ZSWIM6: variants seen among roughly 807,000 people sequenced by gnomAD.
ZSWIM6 encodes the protein zinc finger SWIM-type containing 6, also known as zinc finger SWIM domain-containing protein 6.
Under a neutral mutation model 113.2 loss-of-function variants are expected in ZSWIM6, and 9 were observed. The observed-to-expected ratio is 0.08, with a 90% CI of 0.05 to 0.14. ZSWIM6 has a LOEUF of 0.14. Among genes scored for constraint, ZSWIM6 ranks in the 10% least tolerant of loss-of-function variants. ZSWIM6 has a pLI of 1.00. For missense variants in ZSWIM6, 1,162 were observed against 1,552.2 expected (o/e 0.75, Z 4.22); for synonymous variants, 611 against 606.5 (o/e 1.01, Z -0.11).
chr5:61,414,903 A>G (rs1273650201), intron 1 of ZSWIM6, among the ~76,000 whole-genome samples: 1 of 152,224 alleles, frequency 6.6e-6, no homozygotes, highest in African/African-American at 2.4e-5. Flanking sequence ...TGTGCCTTGC[A>G]CCATCTAATC....
At chr5:61,529,996 C>A (rs572109199) in intron 7 of ZSWIM6, 56 bp from the exon 8 acceptor site, 1 of 1,441,614 alleles carries the variant, frequency 6.9e-7, no homozygotes, top group Non-Finnish European at 9.3e-7. Context: ...TTCCCCACTT[C>A]TTTCCCTTCA....
chr5:61,381,809 A>G (rs991243875), intron 1 of ZSWIM6, among the ~76,000 whole-genome samples: 1 of 152,236 alleles, frequency 6.6e-6, no homozygotes, highest in South Asian at 2.1e-4. Context: ...CCTCCAACAC[A>G]GTGCATTATA....
At position 61,332,403 on chromosome 5, in the gene ZSWIM6, C is replaced by T. The variant is rs991997128; in HGVS notation, c.131C>T (p.Pro44Leu). ...AGGGYSSACR[P>L]GPRAGGAAAA... ...GGCGGCTACAGCTCTGCCTGTCGGC[C>T]AGGCCCGCGGGCGGGTGGCGCGGCG... The change falls in exon 1 of 14, where the codon CCA (proline) becomes CTA (leucine). Residue 44 changes from proline (P) to leucine (L), a missense_variant. Pro to Leu is a moderately conservative substitution (Grantham distance 98). Around this residue, in one of 4 missense-constraint regions of ZSWIM6, gnomAD observed 333 missense variants for 293.4 expected, o/e 1.13. Coordinates refer to ENST00000252744, the MANE Select transcript of ZSWIM6 (RefSeq NM_020928.2). 3.1e-5 allele frequency: 31 copies of T among 993,428 alleles called. No individual in the cohort carries two copies. Among genetic ancestry groups the T allele is most frequent in the Non-Finnish European group, 3.7e-5 (31 of 837,422 alleles). 61.5% of individuals were successfully genotyped at this position (993,428 alleles called of 1,614,324 possible).
chr5:61,379,516 C>T (rs1053607762), intron 1 of ZSWIM6, among the ~76,000 whole-genome samples: 6 of 152,080 alleles, frequency 3.9e-5, no homozygotes, highest in African/African-American at 7.2e-5. Flanking sequence ...GGTCTTTGGA[C>T]GACTAGTTTT....
At chr5:61,415,241 T>C (rs1746222702) in intron 1 of ZSWIM6, among the ~76,000 whole-genome samples, 1 of 152,214 alleles carries the variant, frequency 6.6e-6, no homozygotes, top group South Asian at 2.1e-4. Context: ...AATTTAGAGA[T>C]ATTTCATATA....
At chr5:61,384,234 C>G (rs545484042) in intron 1 of ZSWIM6, among the ~76,000 whole-genome samples, 2 of 129,446 alleles carry the variant, frequency 1.5e-5, no homozygotes, top group African/African-American at 6.1e-5. Context: ...GGCGACAGAG[C>G]GAGACTCCGT....
intron 1 of ZSWIM6, among the ~76,000 whole-genome samples, chr5:61,459,284 T>G (rs1216586358): frequency 6.6e-6 from 1 of 152,108 alleles, no homozygotes; most frequent in African/African-American, 2.4e-5. Flanking sequence ...CAGTAGCTGA[T>G]TTTTTTTCTG....
intron 4 of ZSWIM6, among the ~76,000 whole-genome samples, chr5:61,516,250 C>CTCTT (rs1336512076): frequency 6.6e-6 from 1 of 150,548 alleles, no homozygotes; most frequent in African/African-American, 2.4e-5. Context: ...TCTTCCCTCT[C>CTCTT]TCTTTCTTTC....
rs1246635200 is a variant in ZSWIM6 at position 61,332,658 on chromosome 5, C to A, written c.386C>A (p.Thr129Asn). The change falls in exon 1 of 14, where the codon ACC (threonine) becomes AAC (asparagine). Residue 129 changes from threonine (T) to asparagine (N), a missense_variant. Coordinates refer to ENST00000252744, the MANE Select transcript of ZSWIM6 (RefSeq NM_020928.2). ...ATCTGCATGTACTCGTCCTTCAACA[C>A]CGGCGGCGGCGCCGCGGGCGGCCCC... ...REICMYSSFN[T>N]GGGAAGGPGD... is the part of the protein sequence containing the mutation. 2 of 1,123,128 alleles carry A rather than the reference C, an allele frequency of 1.8e-6. No individual in the cohort carries two copies. The highest frequency in any genetic ancestry group is 2.2e-6 in the Non-Finnish European group (2 of 894,294). The allele number at this position is 1,123,128 out of a possible 1,614,324, so 69.6% of individuals were successfully genotyped here. A position where few individuals can be genotyped will look rare whatever the true frequency, so the allele number is the denominator to read the frequency against.
chr5:61,535,004 C>G (rs1441633611), intron 9 of ZSWIM6, among the ~76,000 whole-genome samples: 1 of 152,106 alleles, frequency 6.6e-6, no homozygotes, highest in Non-Finnish European at 1.5e-5. Flanking sequence ...CCTCCCACAC[C>G]TCTCACCCCT....
chr5:61,340,575 A>C (rs1227061642), intron 1 of ZSWIM6, among the ~76,000 whole-genome samples: 1 of 152,222 alleles, frequency 6.6e-6, no homozygotes, highest in Non-Finnish European at 1.5e-5. Flanking sequence ...GATTTCAGAG[A>C]TAAAAAGATA....
Position 61,531,454 on chromosome 5 carries a change from G to A in ZSWIM6, c.1985-11G>A. The A allele has an allele frequency of 6.5e-7, 1 of 1,530,130 alleles. No homozygotes were observed. The allele number at this position is 1,530,130 out of a possible 1,614,324, so 94.8% of individuals were successfully genotyped here. A position where few individuals can be genotyped will look rare whatever the true frequency, so the allele number is the denominator to read the frequency against. Reference sequence around the variant, plus strand: ...TTTCTGAGCTCTGATTTCTTTTGTGGCATTTTGCAGAGAATATGGGACAGT... The same window carrying A: ...TTTCTGAGCTCTGATTTCTTTTGTGACATTTTGCAGAGAATATGGGACAGT... On this transcript the variant is annotated splice_polypyrimidine_tract_variant and intron_variant, in intron 8 of 13. Transcript: ENST00000252744.
At position 61,545,698 on chromosome 5, in the gene ZSWIM6, A is replaced by G. The variant is rs1334106444; in HGVS notation, c.*1381A>G. 1 of 152,040 alleles carries G rather than the reference A, an allele frequency of 6.6e-6. No individual in the cohort carries two copies. The highest frequency in any genetic ancestry group is 1.5e-5 in the Non-Finnish European group (1 of 68,022). The allele number at this position is 152,040 out of a possible 1,614,324, so 9.4% of individuals were successfully genotyped here. On this transcript the variant is annotated 3_prime_UTR_variant, in exon 14 of 14. Coordinates refer to ENST00000252744, the MANE Select transcript of ZSWIM6 (RefSeq NM_020928.2). ...TTTTATTTTCTCTAGAAATTACTCAAACAAAAGCAGCCTTCTATCTTGCCT... is the reference window on the plus strand; with the variant it reads ...TTTTATTTTCTCTAGAAATTACTCAGACAAAAGCAGCCTTCTATCTTGCCT...
At chr5:61,380,853 C>T (rs1307112102) in intron 1 of ZSWIM6, among the ~76,000 whole-genome samples, 2 of 151,964 alleles carry the variant, frequency 1.3e-5, no homozygotes, top group East Asian at 1.9e-4. Flanking sequence ...ATAGTCCCAG[C>T]ACTTTGGGAG....
At chr5:61,498,678 A>G (rs753753483) in intron 4 of ZSWIM6, among the ~76,000 whole-genome samples, 2 of 152,182 alleles carry the variant, frequency 1.3e-5, no homozygotes, top group African/African-American at 4.8e-5. Flanking sequence ...AACCTGCTCC[A>G]TGGACCCAAA....
At chr5:61,364,750 A>C (rs1745115593) in intron 1 of ZSWIM6, among the ~76,000 whole-genome samples, 1 of 152,114 alleles carries the variant, frequency 6.6e-6, no homozygotes, top group African/African-American at 2.4e-5. Flanking sequence ...GGGAAGAATG[A>C]GGGGGTCATG....
intron 1 of ZSWIM6, among the ~76,000 whole-genome samples, chr5:61,387,554 TA>T (rs1243456023): frequency 6.6e-6 from 1 of 151,926 alleles, no homozygotes; most frequent in Non-Finnish European, 1.5e-5. Flanking sequence ...TGGTCCCAGT[TA>T]CTTGGGAGGC....
intron 1 of ZSWIM6, among the ~76,000 whole-genome samples, chr5:61,399,230 TG>T (rs1038052423): frequency 1.6e-4 from 22 of 135,290 alleles, no homozygotes; most frequent in Middle Eastern, 3.8e-3. Flanking sequence ...TGGCTGTGTA[TG>T]TTTTTTTTTT....
Position 61,544,426 on chromosome 5 carries a change from T to G in ZSWIM6, c.*109T>G. Reference sequence around the variant, plus strand: ...CTTAAAGAACAGAGCCACACCGGTATTATATGTGTATAGTTATATTGCGTT... The same window carrying G: ...CTTAAAGAACAGAGCCACACCGGTAGTATATGTGTATAGTTATATTGCGTT... On this transcript the variant is annotated 3_prime_UTR_variant, in exon 14 of 14. Transcript: ENST00000252744. The G allele has an allele frequency of 6.0e-6, 4 of 671,322 alleles. No homozygotes were observed. The highest frequency in any genetic ancestry group is 5.0e-6 in the Non-Finnish European group (2 of 400,114). The allele number at this position is 671,322 out of a possible 1,614,324, so 41.6% of individuals were successfully genotyped here.
Sources: allele counts gnomAD v4.1 joint callset (sites outside exome capture counted in the v4.1 genomes callset), GRCh38; gene constraint gnomAD v4.1.1; regional missense constraint gnomAD v4.1.1; transcripts MANE v1.5; gene names NCBI Gene and HGNC (gene_info 2026-07-23, HGNC 2026-07-21).